DOK6: variants seen among roughly 807,000 people sequenced by gnomAD.
DOK6 encodes docking protein 6, also known as downstream of tyrosine kinase 6.
A neutral mutation model predicts 44.0 loss-of-function variants in DOK6; 22 were observed. The ratio of observed to expected loss-of-function variants is 0.50; its 90% CI spans 0.36 to 0.71. The LOEUF is 0.71. Ranked by LOEUF, DOK6 falls within the 30% of genes least tolerant of loss-of-function variation. DOK6 has a pLI of 0.00. For missense variants in DOK6, 340 were observed against 416.4 expected (o/e 0.82, Z 1.60); for synonymous variants, 166 against 145.5 (o/e 1.14, Z -1.01).
chr18:69,828,036 CTCTA>C (rs887234586), intron 7 of DOK6, among the ~76,000 whole-genome samples: 6 of 151,800 alleles, frequency 4.0e-5, no homozygotes, highest in Admixed American at 1.3e-4. Flanking sequence ...TGGTTCAGAT[CTCTA>C]TCTAAACCGG....
chr18:69,797,184 A>G (rs528596191), intron 7 of DOK6, among the ~76,000 whole-genome samples: 4 of 152,290 alleles, frequency 2.6e-5, no homozygotes, highest in Non-Finnish European at 2.9e-5. Flanking sequence ...AACCGAAAGG[A>G]AGAATATAAA....
chr18:69,424,015 A>G (rs1978567912), intron 1 of DOK6, among the ~76,000 whole-genome samples: 1 of 152,144 alleles, frequency 6.6e-6, no homozygotes. Context: ...ACAGAATGTG[A>G]TTTCCTGTTT....
chr18:69,761,848 G>A (rs1217156719), intron 7 of DOK6, among the ~76,000 whole-genome samples: 1 of 152,152 alleles, frequency 6.6e-6, no homozygotes, highest in Non-Finnish European at 1.5e-5. Flanking sequence ...AGCAGTGGCA[G>A]ATATCCGAGT....
chr18:69,657,940 G>T (rs1985411642), intron 3 of DOK6, among the ~76,000 whole-genome samples: 1 of 151,848 alleles, frequency 6.6e-6, no homozygotes, highest in Non-Finnish European at 1.5e-5. Flanking sequence ...TGTTGCTGTT[G>T]TTGTTTTTGT....
At chr18:69,636,291 T>C (rs1984807310) in intron 3 of DOK6, among the ~76,000 whole-genome samples, 1 of 152,144 alleles carries the variant, frequency 6.6e-6, no homozygotes, top group African/African-American at 2.4e-5. Flanking sequence ...CACTTTATAA[T>C]GGAATATTCG....
intron 5 of DOK6, among the ~76,000 whole-genome samples, chr18:69,703,047 AGG>A (rs772435087): frequency 2.4e-5 from 2 of 82,358 alleles, no homozygotes; most frequent in African/African-American, 7.4e-5. Context: ...GCTCTCTCCG[AGG>A]GGGAAAAAAA....
chr18:69,707,257 T>C (rs1986655027), intron 5 of DOK6, among the ~76,000 whole-genome samples: 2 of 152,192 alleles, frequency 1.3e-5, no homozygotes, highest in Non-Finnish European at 2.9e-5. Context: ...ATGGCCACAC[T>C]GCCCAAGGTA....
intron 1 of DOK6, among the ~76,000 whole-genome samples, chr18:69,484,802 G>C (rs1980527938): frequency 6.6e-6 from 1 of 152,142 alleles, no homozygotes; most frequent in Non-Finnish European, 1.5e-5. Context: ...GTCCTGGACA[G>C]CACTTCAGCA....
intron 7 of DOK6, among the ~76,000 whole-genome samples, chr18:69,791,340 TAG>T (rs1980591150): frequency 6.6e-6 from 1 of 152,192 alleles, no homozygotes; most frequent in South Asian, 2.1e-4. Context: ...CTATTCCCCA[TAG>T]TGGTTATACT....
intron 1 of DOK6, among the ~76,000 whole-genome samples, chr18:69,442,607 G>T (rs903372364): frequency 6.6e-6 from 1 of 152,152 alleles, no homozygotes; most frequent in Non-Finnish European, 1.5e-5. Flanking sequence ...AATTCAAGAT[G>T]AGATTTGGGT....
At chr18:69,560,554 AT>A (rs1982804251) in intron 1 of DOK6, among the ~76,000 whole-genome samples, 1 of 152,152 alleles carries the variant, frequency 6.6e-6, no homozygotes, top group Non-Finnish European at 1.5e-5. Context: ...ACTATATATA[AT>A]TCTCGTAATT....
chr18:69,604,486 T>G (rs957735866), intron 3 of DOK6, among the ~76,000 whole-genome samples: 1 of 152,240 alleles, frequency 6.6e-6, no homozygotes, highest in African/African-American at 2.4e-5. Context: ...TGCTTTTATT[T>G]GAATTTCTAG....
chr18:69,472,760 T>C (rs2049972967), intron 1 of DOK6, among the ~76,000 whole-genome samples: 1 of 152,060 alleles, frequency 6.6e-6, no homozygotes, highest in South Asian at 2.1e-4. Context: ...ACACACGGGA[T>C]CTCATTATTT....
chr18:69,570,884 T>A (rs28827826), intron 2 of DOK6, among the ~76,000 whole-genome samples: 5 of 152,078 alleles, frequency 3.3e-5, no homozygotes, highest in South Asian at 2.1e-4. Flanking sequence ...CTAAAGGTAT[T>A]TATTTCCTTC....
At chr18:69,753,732 A>G (rs1163270991) in intron 6 of DOK6, among the ~76,000 whole-genome samples, 1 of 152,204 alleles carries the variant, frequency 6.6e-6, no homozygotes, top group Non-Finnish European at 1.5e-5. Flanking sequence ...ACCCTATGCA[A>G]AAAGGAGAAG....
intron 6 of DOK6, among the ~76,000 whole-genome samples, chr18:69,740,606 G>A (rs1978768083): frequency 6.6e-6 from 1 of 152,164 alleles, no homozygotes; most frequent in African/African-American, 2.4e-5. Context: ...TACCCCGTTG[G>A]TGCTCTGGGC....
intron 3 of DOK6, among the ~76,000 whole-genome samples, chr18:69,657,020 T>A (rs551452753): frequency 6.6e-6 from 1 of 152,058 alleles, no homozygotes; most frequent in Non-Finnish European, 1.5e-5. Context: ...AAAAAGAAAA[T>A]TCATGACAAG....
chr18:69,684,384 T>G (rs79366439), intron 4 of DOK6, among the ~76,000 whole-genome samples: 2,556 of 152,330 alleles, frequency 0.017, 85 homozygotes, highest in African/African-American at 0.058. Flanking sequence ...ATAAAGGAGA[T>G]GTATATGTGA....
intron 7 of DOK6, among the ~76,000 whole-genome samples, chr18:69,834,325 G>A (rs1160678033): frequency 2.0e-5 from 3 of 152,184 alleles, no homozygotes; most frequent in South Asian, 2.1e-4. Flanking sequence ...AGCTGAAAAT[G>A]TGGATCTCCT....
Sources: gnomAD v4.1 joint callset for allele counts (sites outside exome capture counted in the v4.1 genomes callset) on GRCh38, gnomAD v4.1.1 for gene constraint, MANE v1.5 for transcripts, NCBI Gene and HGNC (gene_info 2026-07-23, HGNC 2026-07-21) for gene names.